The following DPP6 variants were observed in gnomAD, a reference collection of about 807,000 sequenced individuals.
The protein encoded by DPP6 is dipeptidyl peptidase like 6.
A neutral mutation model predicts 122.6 loss-of-function variants in DPP6; 69 were observed. The ratio of observed to expected loss-of-function variants is 0.56; its 90% CI spans 0.46 to 0.69. The LOEUF is 0.69. DPP6 is among the 30% of genes least tolerant of loss of function. The pLI is 0.00. For synonymous variants in DPP6, 418 were observed against 433.1 expected (o/e 0.97, Z 0.43); for missense variants, 928 against 1,116.9 (o/e 0.83, Z 2.41).
At chr7:154,449,504 G>A (rs1296855835) in intron 2 of DPP6, among the ~76,000 whole-genome samples, 1 of 152,096 alleles carries the variant, frequency 6.6e-6, no homozygotes. Context: ...AAATTGTGTG[G>A]CCTCTGTGGA....
At chr7:154,218,593 C>T (rs1287081229) in intron 1 of DPP6, among the ~76,000 whole-genome samples, 1 of 152,124 alleles carries the variant, frequency 6.6e-6, no homozygotes, top group Non-Finnish European at 1.5e-5. Context: ...ATGGGTATTG[C>T]TGGCAGTACA....
chr7:154,075,329 A>C (rs2150517655), intron 1 of DPP6, among the ~76,000 whole-genome samples: 1 of 152,208 alleles, frequency 6.6e-6, no homozygotes, highest in Non-Finnish European at 1.5e-5. Flanking sequence ...GCAGAAGATA[A>C]GTCATTATAT....
chr7:153,791,277 T>C, the DPP6 span, among the ~76,000 whole-genome samples: 2 of 149,916 alleles, frequency 1.3e-5, no homozygotes, highest in Non-Finnish European at 3.0e-5. Flanking sequence ...ACTGACACTT[T>C]GTTTTATGGC....
At position 153,908,375 on chromosome 7, in the gene DPP6, G is replaced by T. The variant is rs1041742989; in HGVS notation, c.51+20641G>T. ...AATGGAAAAATTCAGACCACAGCTG[G>T]ATAGGAACAAAATCCTGAAAACAGT... On this transcript the variant is annotated intron_variant, in intron 1 of 25. Transcript: ENST00000404039. Among the ~76,000 whole-genome samples the T allele has an allele frequency of 2.6e-5, 4 of 152,254 alleles. No individual in the cohort carries two copies. The East Asian group carries it at 7.7e-4, about 29-fold the overall frequency.
At chr7:154,009,902 A>T (rs928807073) in intron 1 of DPP6, among the ~76,000 whole-genome samples, 1 of 152,020 alleles carries the variant, frequency 6.6e-6, no homozygotes, top group African/African-American at 2.4e-5. Context: ...CTTTATAATT[A>T]GGCATTTCAT....
At chr7:154,225,700 C>T (rs895858441) in intron 1 of DPP6, among the ~76,000 whole-genome samples, 4 of 151,790 alleles carry the variant, frequency 2.6e-5, no homozygotes, top group African/African-American at 9.7e-5. Context: ...CCTATTCTAT[C>T]GATAAATAGC....
At chr7:153,811,871 C>T in the DPP6 span, among the ~76,000 whole-genome samples, 87 of 152,210 alleles carry the variant, frequency 5.7e-4, no homozygotes, top group African/African-American at 2.0e-3. Flanking sequence ...GATTTTATAG[C>T]ATCTTCCAGT....
chr7:154,294,030 C>A (rs1291565697), intron 1 of DPP6, among the ~76,000 whole-genome samples: 1 of 152,170 alleles, frequency 6.6e-6, no homozygotes, highest in Admixed American at 6.5e-5. Flanking sequence ...GTTTCTATCT[C>A]ATTAACTTTG....
rs1225870675 is a variant in DPP6, at chr7:154,637,870, A to G, written c.677A>G (p.His226Arg). The change falls in exon 6 of 26, where the codon CAT (histidine) becomes CGT (arginine). Residue 226 changes from histidine (H) to arginine (R), a missense_variant. Coordinates refer to ENST00000377770, the MANE Select transcript of DPP6 (RefSeq NM_130797.4). ...TATTACGTCCTGAGCAAAATTCCTC[A>G]TGGGTAAGAGTGTTCTTTTCTTTCT... ...TGYYVLSKIPHGDPQSLDPPE... is the reference protein window; with the variant it reads ...TGYYVLSKIPRGDPQSLDPPE... The G allele has an allele frequency of 4.4e-6, 7 of 1,574,198 alleles. No homozygotes were observed. Among genetic ancestry groups the G allele is most frequent in the African/African-American group, 1.3e-5 (1 of 74,454 alleles).
At chr7:154,130,334 T>C (rs1362860084) in intron 1 of DPP6, among the ~76,000 whole-genome samples, 3 of 152,122 alleles carry the variant, frequency 2.0e-5, no homozygotes, top group Non-Finnish European at 2.9e-5. Context: ...ACCCGGCATC[T>C]AGTGAGTTGC....
Position 154,097,040 on chromosome 7 carries a change from G to A in DPP6, c.243+43977G>A, listed in dbSNP as rs183626620. Among the ~76,000 whole-genome samples, 1,201 of 152,298 alleles carry A rather than the reference G, an allele frequency of 7.9e-3. 18 individuals are homozygous for A. Among genetic ancestry groups the A allele is most frequent in the African/African-American group, 0.028 (1,150 of 41,558 alleles). On this transcript the variant is annotated intron_variant, in intron 1 of 25. Coordinates refer to ENST00000377770, the MANE Select transcript of DPP6 (RefSeq NM_130797.4). ...GTAGAGGTGATGGGATGGACCTGGC[G>A]TTCACTGCAGCTGCCTGTCTCCACA...
chr7:154,244,968 T>TTTTTTG (rs1801877226), intron 1 of DPP6, among the ~76,000 whole-genome samples: 1 of 151,012 alleles, frequency 6.6e-6, no homozygotes, highest in African/African-American at 2.4e-5. Flanking sequence ...TTTTTTTTTT[T>TTTTTTG]GAGTTAGGGT....
chr7:153,959,127 C>T (rs1465286569), intron 1 of DPP6, among the ~76,000 whole-genome samples: 1 of 151,638 alleles, frequency 6.6e-6, no homozygotes, highest in Admixed American at 6.6e-5. Context: ...TGCTTCTGGT[C>T]ACTAAGGGAA....
At chr7:154,650,195 C>T (rs553114240) in intron 6 of DPP6, among the ~76,000 whole-genome samples, 6 of 152,094 alleles carry the variant, frequency 3.9e-5, no homozygotes, top group South Asian at 2.1e-4. Context: ...TATGGTGGCA[C>T]GTGCCTGTGA....
intron 10 of DPP6, among the ~76,000 whole-genome samples, chr7:154,773,483 C>T (rs1306346961): frequency 6.6e-6 from 1 of 152,048 alleles, no homozygotes; most frequent in East Asian, 1.9e-4. Context: ...GATTTAGGAT[C>T]GAATGTAGTG....
At chr7:153,896,923 T>C (rs1437634105) in intron 1 of DPP6, among the ~76,000 whole-genome samples, 1 of 152,224 alleles carries the variant, frequency 6.6e-6, no homozygotes, top group African/African-American at 2.4e-5. Context: ...AAATCATATC[T>C]TGAGCAAACT....
intron 3 of DPP6, among the ~76,000 whole-genome samples, chr7:154,489,386 C>T (rs1205282026): frequency 3.9e-5 from 6 of 152,146 alleles, no homozygotes; most frequent in African/African-American, 7.2e-5. Flanking sequence ...ATTTGCAGGA[C>T]GCTGTTCTGA....
At chr7:154,690,732 C>G (rs919297214) in intron 7 of DPP6, among the ~76,000 whole-genome samples, 2 of 152,138 alleles carry the variant, frequency 1.3e-5, no homozygotes, top group African/African-American at 4.8e-5. Context: ...ATGAGGCTGC[C>G]TTATTCTCAT....
intron 7 of DPP6, among the ~76,000 whole-genome samples, chr7:154,691,521 A>G (rs780317637): frequency 4.6e-5 from 7 of 152,218 alleles, no homozygotes; most frequent in East Asian, 1.9e-4. Flanking sequence ...GAATTGACTG[A>G]AAAGAAAATA....
Sources: gnomAD v4.1 joint callset for allele counts (sites outside exome capture counted in the v4.1 genomes callset) on GRCh38, gnomAD v4.1.1 for gene constraint, MANE v1.5 for transcripts, NCBI Gene and HGNC (gene_info 2026-07-23, HGNC 2026-07-21) for gene names.